Variants in PDGFRL observed in about 807,000 individuals in gnomAD.
PDGFRL encodes platelet-derived growth factor receptor-like protein.
In PDGFRL, 46 loss-of-function variants were observed where a neutral mutation model predicts 37.2. The ratio of observed to expected loss-of-function variants is 1.24; its 90% CI spans 0.98 to 1.58. PDGFRL has a LOEUF of 1.58. PDGFRL is among the 40% of genes most tolerant of loss of function. The pLI, the probability that PDGFRL is intolerant of heterozygous loss-of-function variation, is 0.00. For synonymous variants in PDGFRL, 251 were observed against 184.3 expected, an observed-to-expected ratio of 1.36 and a Z score of -2.93; for missense variants, 692 against 467.6, an observed-to-expected ratio of 1.48 and a Z score of -4.43.
rs1476000268 is a variant in PDGFRL at position 17,621,144 on chromosome 8, C to T, written c.447C>T (p.Ser149=). 9.3e-6 allele frequency: 15 copies of T among 1,610,814 alleles called. No homozygotes were observed. Among genetic ancestry groups the T allele is most frequent in the Admixed American group, 5.0e-5 (3 of 59,858 alleles). Reference sequence around the variant, plus strand: ...TCAGCTGCTGGGTGCAGCTCTGCAGCGGCTACATCTGCAGGAAGGACGAGG... The same window carrying T: ...TCAGCTGCTGGGTGCAGCTCTGCAGTGGCTACATCTGCAGGAAGGACGAGG... ...GEFSCWVQLC[S]GYICRKDEAK... is the part of the protein sequence containing the mutation. The change falls in exon 3 of 6, where the codon AGC becomes AGT. Residue 149 remains serine, a synonymous_variant. Coordinates refer to ENST00000251630, the MANE Select transcript of PDGFRL (RefSeq NM_001372073.1).
chr8:17,587,644 A>AGTCTCG (rs1183803070), intron 1 of PDGFRL, among the ~76,000 whole-genome samples: 1 of 151,946 alleles, frequency 6.6e-6, no homozygotes, highest in Non-Finnish European at 1.5e-5. Flanking sequence ...TGTGGGCTCA[A>AGTCTCG]GTCTCGGTCT....
chr8:17,626,735 C>T (rs1036558731), intron 3 of PDGFRL, among the ~76,000 whole-genome samples: 1 of 152,030 alleles, frequency 6.6e-6, no homozygotes, highest in African/African-American at 2.4e-5. Context: ...ATGTACCATG[C>T]CAAAAAAGAA....
At chr8:17,624,230 C>T (rs924206601) in intron 3 of PDGFRL, among the ~76,000 whole-genome samples, 10 of 152,098 alleles carry the variant, frequency 6.6e-5, no homozygotes, top group African/African-American at 2.4e-4. Flanking sequence ...TTCCTGGCTA[C>T]CCATGTGGAG....
At chr8:17,609,046 C>A (rs890804376) in intron 2 of PDGFRL, among the ~76,000 whole-genome samples, 2 of 152,098 alleles carry the variant, frequency 1.3e-5, no homozygotes, top group African/African-American at 2.4e-5. Flanking sequence ...TAGTGAGACC[C>A]CATCTCTTAA....
intron 2 of PDGFRL, among the ~76,000 whole-genome samples, chr8:17,620,261 A>C (rs1284676039): frequency 1.3e-5 from 2 of 152,178 alleles, no homozygotes; most frequent in Non-Finnish European, 2.9e-5. Context: ...TGCCAAACAC[A>C]TTCTTTTTTT....
intron 2 of PDGFRL, among the ~76,000 whole-genome samples, chr8:17,605,853 C>G (rs969090447): frequency 3.3e-5 from 5 of 152,158 alleles, no homozygotes; most frequent in African/African-American, 9.7e-5. Context: ...CACAGGAGAT[C>G]TCTTTGATGG....
chr8:17,599,333 A>G (rs575090618), intron 2 of PDGFRL, among the ~76,000 whole-genome samples: 1 of 152,288 alleles, frequency 6.6e-6, no homozygotes, highest in African/African-American at 2.4e-5. Context: ...AGTCCATTGT[A>G]TCATTCTTAC....
At chr8:17,591,077 T>G (rs1803928904) in intron 2 of PDGFRL, among the ~76,000 whole-genome samples, 1 of 151,992 alleles carries the variant, frequency 6.6e-6, no homozygotes, top group African/African-American at 2.4e-5. Flanking sequence ...AGAGACAGAG[T>G]TTCACTATGT....
intron 2 of PDGFRL, among the ~76,000 whole-genome samples, chr8:17,593,907 A>C (rs1183043436): frequency 7.9e-5 from 12 of 152,030 alleles, no homozygotes; most frequent in Non-Finnish European, 1.5e-4. Flanking sequence ...AAAAGAAAAA[A>C]AAAGAAAAAA....
At chr8:17,621,320 C>G (rs912584211) in intron 3 of PDGFRL, 118 bp downstream of exon 3, 127 of 625,816 alleles carry the variant, frequency 2.0e-4, no homozygotes, top group Non-Finnish European at 3.2e-4. Context: ...TTCCTGTTTG[C>G]CAGGCTCTGG....
intron 1 of PDGFRL, among the ~76,000 whole-genome samples, chr8:17,582,417 A>T (rs552217020): frequency 1.3e-5 from 2 of 152,102 alleles, no homozygotes; most frequent in South Asian, 4.2e-4. Context: ...CCCTGTCTCT[A>T]TTACAATACA....
chr8:17,622,786 G>T (rs1449827020), intron 3 of PDGFRL, among the ~76,000 whole-genome samples: 1 of 152,188 alleles, frequency 6.6e-6, no homozygotes, highest in African/African-American at 2.4e-5. Context: ...GGGCTTCTAT[G>T]TTCCCTCGGT....
intron 2 of PDGFRL, among the ~76,000 whole-genome samples, chr8:17,595,956 A>G (rs1804043376): frequency 6.6e-6 from 1 of 152,156 alleles, no homozygotes; most frequent in Non-Finnish European, 1.5e-5. Context: ...CCTCAGGTTG[A>G]GCCTCCAGTG....
At chr8:17,590,444 G>T (rs1803912356) in intron 2 of PDGFRL, among the ~76,000 whole-genome samples, 1 of 151,938 alleles carries the variant, frequency 6.6e-6, no homozygotes, top group Admixed American at 6.6e-5. Flanking sequence ...AGGTGCAGTG[G>T]CTCATGCCTG....
chr8:17,584,575 A>G (rs1259937340), intron 1 of PDGFRL, among the ~76,000 whole-genome samples: 5 of 152,122 alleles, frequency 3.3e-5, no homozygotes, highest in Non-Finnish European at 7.3e-5. Context: ...GAGGAAAACC[A>G]AGGCAGCACA....
intron 2 of PDGFRL, among the ~76,000 whole-genome samples, chr8:17,602,912 C>T (rs1169405440): frequency 2.6e-5 from 4 of 152,184 alleles, no homozygotes; most frequent in African/African-American, 9.7e-5. Context: ...TTTCAGGCTA[C>T]GTAGTGGTCA....
chr8:17,628,794 C>T lies in PDGFRL; in HGVS notation c.799+14C>T. ...TCTATGTGGCGGGTAAGCCTGGCCA[C>T]CCCTGCCTAGATTCTAGTTAGTCCC... is the stretch of plus-strand genomic sequence containing the variant. On this transcript the variant is annotated intron_variant, in intron 4 of 5. Transcript: ENST00000251630. The T allele has an allele frequency of 6.3e-7, 1 of 1,598,610 alleles. No homozygotes were observed. Among genetic ancestry groups the T allele is most frequent in the Non-Finnish European group, 8.6e-7 (1 of 1,166,546 alleles).
intron 2 of PDGFRL, among the ~76,000 whole-genome samples, chr8:17,606,898 T>TTTG (rs1222394665): frequency 1.0e-4 from 1 of 9,606 alleles, no homozygotes; most frequent in African/African-American, 1.9e-4. Context: ...TTTTTTGTTT[T>TTTG]TTTTTTTTTT....
At chr8:17,641,494 C>G (rs1388901530) in intron 5 of PDGFRL, among the ~76,000 whole-genome samples, 1 of 152,198 alleles carries the variant, frequency 6.6e-6, no homozygotes, top group East Asian at 1.9e-4. Flanking sequence ...CTGTGTTTCA[C>G]TTGGCTAGAG....
Sources: gnomAD v4.1 joint callset for allele counts (sites outside exome capture counted in the v4.1 genomes callset) on GRCh38, gnomAD v4.1.1 for gene constraint, MANE v1.5 for transcripts, NCBI Gene and HGNC (gene_info 2026-07-23, HGNC 2026-07-21) for gene names.